Variants in FBLN1 observed in about 807,000 individuals in gnomAD.
FBLN1 encodes fibulin 1.
FBLN1 carries 34 observed loss-of-function variants against 89.7 expected under a neutral mutation model. The observed-to-expected ratio is 0.38, with a 90% CI of 0.29 to 0.50. FBLN1 has a LOEUF of 0.50. Ranked by LOEUF, FBLN1 falls within the 20% of genes least tolerant of loss-of-function variation. The pLI, the probability that FBLN1 is intolerant of heterozygous loss-of-function variation, is 0.92. For missense variants in FBLN1, 777 were observed against 988.1 expected (o/e 0.79, Z 2.86); for synonymous variants, 393 against 391.3 (o/e 1.00, Z -0.05).
chr22:45,580,910 C>T lies in FBLN1; in HGVS notation c.1972+3802C>T, dbSNP rs1601536535. On this transcript the variant is annotated intron_variant, in intron 16 of 16. Transcript: ENST00000327858. This position sits in a 1 kb window ranked among gnomAD's most constrained non-coding sequence, Gnocchi z 8.6. The stretch of plus-strand genomic sequence containing the variant: ...GAGGAGCCCGCAGCAGGGCCCGCGC[C>T]GTCGTCTTTGTAAAGCCCCCTTGCA... 6.6e-6 allele frequency among the ~76,000 whole-genome samples: 1 copy of T among 152,226 alleles called. No individual in the cohort carries two copies. Among genetic ancestry groups the T allele is most frequent in the Non-Finnish European group, 1.5e-5 (1 of 68,042 alleles).
At position 45,575,860 on chromosome 22, in the gene FBLN1, T is replaced by A. The variant is rs973879584; in HGVS notation, c.1841-1117T>A. 4.6e-5 allele frequency among the ~76,000 whole-genome samples: 7 copies of A among 152,126 alleles called. No homozygotes were observed. The highest frequency in any genetic ancestry group is 1.7e-4 in the African/African-American group (7 of 41,424). ...ACCCCCGCCCTCTAGGGAGTCCCTA[T>A]CCCTGGCCTGCGGAGAAGCATGCCA... On this transcript the variant is annotated intron_variant, in intron 15 of 16. Coordinates refer to ENST00000327858, the MANE Select transcript of FBLN1 (RefSeq NM_006486.3). This position sits in a 1 kb window ranked among gnomAD's most constrained non-coding sequence, Gnocchi z 6.3.
At position 45,517,673 on chromosome 22, in the gene FBLN1, G is replaced by A. The variant is rs556161498; in HGVS notation, c.80-1009G>A. The A allele has an allele frequency of 4.1e-5, 19 of 468,268 alleles. No homozygotes were observed. In the East Asian group the frequency reaches 8.4e-4, roughly 21 times the overall value. 29.0% of individuals were successfully genotyped at this position (468,268 alleles called of 1,614,324 possible). Reference sequence around the variant, plus strand: ...CTCACCAGACTTCTCACAGGTCCCCGTTTCTGTGGAAGAGGGGATCTTGTG... The same window carrying A: ...CTCACCAGACTTCTCACAGGTCCCCATTTCTGTGGAAGAGGGGATCTTGTG... On this transcript the variant is annotated intron_variant, in intron 1 of 16. Coordinates refer to ENST00000327858, the MANE Select transcript of FBLN1 (RefSeq NM_006486.3).
At chr22:45,569,227 C>T (rs1205349604) in intron 14 of FBLN1, among the ~76,000 whole-genome samples, 1 of 152,188 alleles carries the variant, frequency 6.6e-6, no homozygotes, top group African/African-American at 2.4e-5. Flanking sequence ...TGTTGAATTC[C>T]TAATCCCTAA....
chr22:45,554,943 A>G (rs2088759776), intron 14 of FBLN1, among the ~76,000 whole-genome samples: 1 of 152,102 alleles, frequency 6.6e-6, no homozygotes, highest in Admixed American at 6.5e-5. Flanking sequence ...TGTAACAGGA[A>G]GTTGGAATCT....
intron 1 of FBLN1, chr22:45,517,768 C>A (rs1437215436): frequency 5.1e-6 from 2 of 390,384 alleles, no homozygotes; most frequent in Non-Finnish European, 1.1e-5. Flanking sequence ...TATGTCCCCC[C>A]TCCTGCCCCT....
In FBLN1 at chr22:45,560,372, G is replaced by A. The variant is rs535736387; in HGVS notation, c.1697+9757G>A. Among the ~76,000 whole-genome samples the A allele has an allele frequency of 2.9e-4, 44 of 152,344 alleles. 1 individual carries two copies. In the South Asian group the frequency reaches 9.1e-3, roughly 32 times the overall value. On this transcript the variant is annotated intron_variant, in intron 14 of 16. Coordinates refer to ENST00000327858, the MANE Select transcript of FBLN1 (RefSeq NM_006486.3). ...CTGTTTCGAAAGACATTGGTCAAGG[G>A]TATATCTTCTGAATCCTCCCAACTT...
chr22:45,516,657 G>A (rs138679536), intron 1 of FBLN1, among the ~76,000 whole-genome samples: 1 of 152,194 alleles, frequency 6.6e-6, no homozygotes, highest in Admixed American at 6.5e-5. Flanking sequence ...GAGGTGGGAG[G>A]GGGGCTGAGT....
rs1601552360 is a variant in FBLN1, at chr22:45,600,510, G to A, written c.*64G>A. ...CCAAATCATTGCTGCCAGTGACTGT[G>A]GTCTGTACTTGTTTATACCCTCAGA... On this transcript the variant is annotated 3_prime_UTR_variant, in exon 17 of 17. Coordinates refer to ENST00000327858, the MANE Select transcript of FBLN1 (RefSeq NM_006486.3). The A allele has an allele frequency of 3.8e-6, 6 of 1,596,392 alleles. No individual in the cohort carries two copies. In the East Asian group the frequency reaches 1.1e-4, roughly 30 times the overall value.
intron 16 of FBLN1, among the ~76,000 whole-genome samples, chr22:45,592,110 C>T (rs1043234131): frequency 2.6e-5 from 4 of 152,154 alleles, no homozygotes; most frequent in African/African-American, 7.2e-5. Flanking sequence ...CTGTTAGCTC[C>T]GTGATCTGGA....
At chr22:45,586,703 C>T (rs529744124) in intron 16 of FBLN1, among the ~76,000 whole-genome samples, 8 of 152,272 alleles carry the variant, frequency 5.3e-5, no homozygotes, top group Admixed American at 2.6e-4. Context: ...AAGACAGGGA[C>T]GCACACTGAG....
intron 1 of FBLN1, among the ~76,000 whole-genome samples, chr22:45,507,222 G>A (rs972117985): frequency 1.3e-5 from 2 of 152,160 alleles, no homozygotes; most frequent in African/African-American, 4.8e-5. Context: ...CTAACTAGAG[G>A]CTGGGGTGGG....
intron 11 of FBLN1, among the ~76,000 whole-genome samples, chr22:45,544,228 A>G (rs1569248354): frequency 6.6e-6 from 1 of 152,188 alleles, no homozygotes; most frequent in Non-Finnish European, 1.5e-5. Flanking sequence ...CTGGGATTAC[A>G]GGTGCACACC....
chr22:45,595,051 C>T (rs1601547608), intron 16 of FBLN1, among the ~76,000 whole-genome samples: 1 of 152,138 alleles, frequency 6.6e-6, no homozygotes, highest in Admixed American at 6.5e-5. Flanking sequence ...CCTCCCTAGC[C>T]ACTGGCCTGG....
intron 1 of FBLN1, among the ~76,000 whole-genome samples, chr22:45,518,127 CA>C (rs136717): frequency 3.8e-4 from 47 of 122,656 alleles, no homozygotes; most frequent in Admixed American, 1.2e-3. Context: ...GACTCTGTCT[CA>C]AAAAAAAAAA....
chr22:45,522,009 G>A (rs1274343122), intron 2 of FBLN1, among the ~76,000 whole-genome samples: 1 of 151,402 alleles, frequency 6.6e-6, no homozygotes, highest in African/African-American at 2.4e-5. Flanking sequence ...TTTTTGAGAT[G>A]GAGTCTGGCC....
chr22:45,510,173 C>A (rs1308634521), intron 1 of FBLN1, among the ~76,000 whole-genome samples: 1 of 152,154 alleles, frequency 6.6e-6, no homozygotes, highest in East Asian at 1.9e-4. Context: ...CATATCGTCA[C>A]CACTTCACAG....
chr22:45,594,700 GGATGGATGGA>G (rs2089168607), intron 16 of FBLN1, among the ~76,000 whole-genome samples: 1 of 139,630 alleles, frequency 7.2e-6, no homozygotes, highest in African/African-American at 2.9e-5. Context: ...GTGGATAGAT[GGATGGATGGA>G]TGGATGGATG....
At position 45,600,453 on chromosome 22, in the gene FBLN1, G is replaced by C; in HGVS notation, c.*7G>C. On this transcript the variant is annotated 3_prime_UTR_variant, in exon 17 of 17. Coordinates refer to ENST00000327858, the MANE Select transcript of FBLN1 (RefSeq NM_006486.3). ...CTCTGAGTACTGGTTCTGAGGGCTG[G>C]TCTGCCGCACAGCCGCAGGTGCACC... 1.9e-6 allele frequency: 3 copies of C among 1,614,164 alleles called. No homozygotes were observed. Among genetic ancestry groups the C allele is most frequent in the Non-Finnish European group, 2.5e-6 (3 of 1,180,022 alleles).
At chr22:45,541,130 CAAAG>C in intron 8 of FBLN1, 95 bp from the exon 9 acceptor site, 1 of 1,512,310 alleles carries the variant, frequency 6.6e-7, no homozygotes, top group Non-Finnish European at 9.2e-7. Flanking sequence ...TGTGGTTTTG[CAAAG>C]AGGTGGGAAG....
Sources: allele counts gnomAD v4.1 joint callset (sites outside exome capture counted in the v4.1 genomes callset), GRCh38; gene constraint gnomAD v4.1.1; non-coding constraint Gnocchi (gnomAD v3.1); transcripts MANE v1.5; gene names NCBI Gene and HGNC (gene_info 2026-07-23, HGNC 2026-07-21).